CNTNAP5: variants seen among roughly 807,000 people sequenced by gnomAD.
CNTNAP5 encodes the protein contactin associated protein family member 5.
In CNTNAP5, 72 loss-of-function variants were observed where a neutral mutation model predicts 150.2. That is an observed-to-expected ratio of 0.48 (90% CI 0.40 to 0.58). CNTNAP5 has a LOEUF of 0.58. CNTNAP5 is among the 20% of genes least tolerant of loss of function. CNTNAP5 has a pLI of 0.00. For missense variants in CNTNAP5, 1,636 were observed against 1,626.2 expected (o/e 1.01, Z -0.10); for synonymous variants, 672 against 619.8 (o/e 1.08, Z -1.25).
chr2:124,657,835 T>C (rs149057704), intron 13 of CNTNAP5, among the ~76,000 whole-genome samples: 249 of 152,344 alleles, frequency 1.6e-3, no homozygotes, highest in African/African-American at 5.7e-3. Context: ...TGTTCCTCTC[T>C]CCATGCTTAG....
intron 1 of CNTNAP5, among the ~76,000 whole-genome samples, chr2:124,095,357 T>C (rs1421585347): frequency 1.3e-5 from 2 of 152,046 alleles, no homozygotes; most frequent in Non-Finnish European, 2.9e-5. Flanking sequence ...GGTGACGGGC[T>C]AGGGGAGGGA....
chr2:124,375,789 A>T (rs1690633993), intron 3 of CNTNAP5, among the ~76,000 whole-genome samples: 1 of 152,136 alleles, frequency 6.6e-6, no homozygotes, highest in Non-Finnish European at 1.5e-5. Context: ...TTTCCAAAAA[A>T]AAGTTAAAAA....
chr2:124,615,920 A>G (rs1317677505), intron 12 of CNTNAP5, among the ~76,000 whole-genome samples: 5 of 152,208 alleles, frequency 3.3e-5, no homozygotes, highest in Non-Finnish European at 5.9e-5. Context: ...TTCATTGTCC[A>G]TAAGCAGTAA....
chr2:124,789,694 T>C (rs945183048), intron 17 of CNTNAP5, among the ~76,000 whole-genome samples: 1 of 152,178 alleles, frequency 6.6e-6, no homozygotes, highest in Admixed American at 6.5e-5. Flanking sequence ...CTAAAGATAG[T>C]GGCCTCTAGC....
intron 20 of CNTNAP5, among the ~76,000 whole-genome samples, chr2:124,867,997 T>G (rs2104723352): frequency 6.6e-6 from 1 of 152,306 alleles, no homozygotes; most frequent in South Asian, 2.1e-4. Context: ...TTCAAAATTG[T>G]GGTATTCTCC....
At chr2:124,731,958 C>T (rs1428258525) in intron 13 of CNTNAP5, among the ~76,000 whole-genome samples, 1 of 151,866 alleles carries the variant, frequency 6.6e-6, no homozygotes, top group Non-Finnish European at 1.5e-5. Context: ...AGCATACCCT[C>T]CTTCCATTTA....
chr2:124,194,563 T>C (rs894715420), intron 1 of CNTNAP5, among the ~76,000 whole-genome samples: 4 of 150,908 alleles, frequency 2.7e-5, no homozygotes, highest in African/African-American at 7.3e-5. Context: ...TTGAAAATGG[T>C]TTACTTCCAA....
chr2:124,063,199 A>C (rs774680545), intron 1 of CNTNAP5, among the ~76,000 whole-genome samples: 1 of 152,094 alleles, frequency 6.6e-6, no homozygotes, highest in Non-Finnish European at 1.5e-5. Context: ...ATAAATACTA[A>C]TTTATGAGCA....
At chr2:124,496,279 A>G (rs1044877118) in intron 7 of CNTNAP5, among the ~76,000 whole-genome samples, 1 of 152,144 alleles carries the variant, frequency 6.6e-6, no homozygotes, top group Non-Finnish European at 1.5e-5. Context: ...TTTTCCCTAC[A>G]TTTGCTGACA....
chr2:124,313,851 T>A (rs1350154402), intron 3 of CNTNAP5, among the ~76,000 whole-genome samples: 2 of 152,188 alleles, frequency 1.3e-5, no homozygotes, highest in East Asian at 3.9e-4. Context: ...ATTCCTGTTT[T>A]CCATTCAATT....
chr2:124,565,566 C>A, intron 11 of CNTNAP5, among the ~76,000 whole-genome samples: 1 of 141,636 alleles, frequency 7.1e-6, no homozygotes, highest in Non-Finnish European at 1.5e-5. Flanking sequence ...TTAAATTTTA[C>A]CTAGATCCTT....
At chr2:124,258,787 C>A (rs1386756909) in intron 3 of CNTNAP5, among the ~76,000 whole-genome samples, 1 of 152,096 alleles carries the variant, frequency 6.6e-6, no homozygotes, top group Non-Finnish European at 1.5e-5. Flanking sequence ...TACAATAGGA[C>A]ATGTATGCAT....
At chr2:124,669,153 C>A (rs1210805977) in intron 13 of CNTNAP5, among the ~76,000 whole-genome samples, 1 of 152,146 alleles carries the variant, frequency 6.6e-6, no homozygotes, top group Non-Finnish European at 1.5e-5. Context: ...CAGTTGCACA[C>A]CTAAAGATGT....
chr2:124,347,826 C>T (rs1432356872), intron 3 of CNTNAP5, among the ~76,000 whole-genome samples: 1 of 139,620 alleles, frequency 7.2e-6, no homozygotes, highest in Non-Finnish European at 1.6e-5. Context: ...GTCTCCTTGA[C>T]AATTTTTTTT....
At chr2:124,034,367 A>G (rs915387542) in intron 1 of CNTNAP5, among the ~76,000 whole-genome samples, 7 of 152,166 alleles carry the variant, frequency 4.6e-5, no homozygotes, top group Non-Finnish European at 7.4e-5. Context: ...TCCATTTTCA[A>G]ACAAAGTCTG....
At chr2:124,494,076 G>A (rs1027281386) in intron 7 of CNTNAP5, among the ~76,000 whole-genome samples, 2 of 147,518 alleles carry the variant, frequency 1.4e-5, no homozygotes, top group South Asian at 2.2e-4. Flanking sequence ...GTGTGTGTGT[G>A]TGTGTCTGTG....
At chr2:124,139,873 G>A (rs911127700) in intron 1 of CNTNAP5, among the ~76,000 whole-genome samples, 1 of 152,208 alleles carries the variant, frequency 6.6e-6, no homozygotes, top group African/African-American at 2.4e-5. Context: ...TTCCATCTGA[G>A]GTACCGGGTT....
chr2:124,308,648 C>T (rs940164109), intron 3 of CNTNAP5, among the ~76,000 whole-genome samples: 1 of 152,176 alleles, frequency 6.6e-6, no homozygotes, highest in African/African-American at 2.4e-5. Flanking sequence ...GGAGAGAAAA[C>T]TTGCCTCTTG....
At chr2:124,528,292 C>A (rs1031233575) in intron 10 of CNTNAP5, among the ~76,000 whole-genome samples, 1 of 152,138 alleles carries the variant, frequency 6.6e-6, no homozygotes, top group African/African-American at 2.4e-5. Context: ...AGATAAATGA[C>A]CAAGAAATGC....
Sources: allele counts gnomAD v4.1 joint callset (sites outside exome capture counted in the v4.1 genomes callset), GRCh38; gene constraint gnomAD v4.1.1; transcripts MANE v1.5; gene names NCBI Gene and HGNC (gene_info 2026-07-23, HGNC 2026-07-21).